Variants in STOX1 observed in about 807,000 individuals in gnomAD.
STOX1 encodes the protein storkhead box 1, also known as storkhead-box protein 1.
Under a neutral mutation model 74.8 loss-of-function variants are expected in STOX1, and 57 were observed. That is an observed-to-expected ratio of 0.76 (90% CI 0.62 to 0.95). STOX1 has a LOEUF of 0.95. STOX1 is among the 40% of genes least tolerant of loss of function. The pLI is 0.00. For missense variants in STOX1, 1,010 were observed against 1,117.0 expected, an observed-to-expected ratio of 0.90 and a Z score of 1.37; for synonymous variants, 375 against 401.3, an observed-to-expected ratio of 0.93 and a Z score of 0.78.
Position 68,892,978 on chromosome 10 carries a change from A to G in STOX1, c.*242A>G. 2.5e-6 allele frequency: 1 copy of G among 396,924 alleles called. No homozygotes were observed. Among genetic ancestry groups the G allele is most frequent in the East Asian group, 4.6e-5 (1 of 21,680 alleles). The allele number at this position is 396,924 out of a possible 1,614,324, so 24.6% of individuals were successfully genotyped here. On this transcript the variant is annotated 3_prime_UTR_variant, in exon 4 of 4. Transcript: ENST00000298596. ...GTATATAGATTATTTTCGATTAAAAAGTGGAATTATTGGTCCCCTTCCAAT... is the reference window on the plus strand; with the variant it reads ...GTATATAGATTATTTTCGATTAAAAGGTGGAATTATTGGTCCCCTTCCAAT...
At chr10:68,867,188 G>A (rs911940267) in intron 1 of STOX1, among the ~76,000 whole-genome samples, 4 of 151,748 alleles carry the variant, frequency 2.6e-5, no homozygotes, top group African/African-American at 9.7e-5. Context: ...CTCGTGATCC[G>A]CCCGCCTCAG....
downstream of STOX1, among the ~76,000 whole-genome samples, chr10:68,893,711 C>T (rs912514350): frequency 7.2e-5 from 11 of 152,216 alleles, no homozygotes; most frequent in Non-Finnish European, 1.5e-5. Context: ...GCCACCGCAC[C>T]TGACCCAGGC....
At chr10:68,891,445 T>G (rs1313345329) in intron 3 of STOX1, among the ~76,000 whole-genome samples, 1 of 152,140 alleles carries the variant, frequency 6.6e-6, no homozygotes, top group African/African-American at 2.4e-5. Context: ...GAAATATGTT[T>G]GAGATATATT....
intron 1 of STOX1, among the ~76,000 whole-genome samples, chr10:68,839,228 A>G (rs1398909585): frequency 6.6e-6 from 1 of 152,092 alleles, no homozygotes; most frequent in African/African-American, 2.4e-5. Flanking sequence ...AGCCAAAACG[A>G]TTATTATTAT....
intron 1 of STOX1, among the ~76,000 whole-genome samples, chr10:68,857,400 A>G (rs908904661): frequency 6.6e-6 from 1 of 152,058 alleles, no homozygotes; most frequent in South Asian, 2.1e-4. Flanking sequence ...CGGGTTCTCT[A>G]TTTAACCTTC....
chr10:68,851,344 T>C (rs1839979673), intron 1 of STOX1, among the ~76,000 whole-genome samples: 1 of 151,380 alleles, frequency 6.6e-6, no homozygotes, highest in African/African-American at 2.4e-5. Context: ...AGGGAGATTC[T>C]AGGAAGTTGA....
intron 1 of STOX1, chr10:68,829,090 C>A (rs532292181): frequency 1.1e-4 from 77 of 674,144 alleles, no homozygotes; most frequent in Non-Finnish European, 1.4e-4. Context: ...ACCAGTTGTT[C>A]CGCGCTTAAT....
intron 3 of STOX1, among the ~76,000 whole-genome samples, chr10:68,889,363 A>T (rs1417702626): frequency 6.6e-6 from 1 of 152,094 alleles, no homozygotes; most frequent in Non-Finnish European, 1.5e-5. Context: ...ATATATTGCT[A>T]TGTTGCCCAG....
At chr10:68,890,860 C>T (rs1841082772) in intron 3 of STOX1, among the ~76,000 whole-genome samples, 1 of 152,064 alleles carries the variant, frequency 6.6e-6, no homozygotes, top group African/African-American at 2.4e-5. Context: ...CCATGTTGGC[C>T]AGGCTGGTCT....
chr10:68,853,920 GGTGATATGCCT>G (rs1355838963), intron 1 of STOX1, among the ~76,000 whole-genome samples: 1 of 151,840 alleles, frequency 6.6e-6, no homozygotes, highest in East Asian at 1.9e-4. Context: ...CCCGACCTCA[GGTGATATGCCT>G]GTCTTGGCCT....
intron 1 of STOX1, among the ~76,000 whole-genome samples, chr10:68,838,530 G>T (rs537418346): frequency 2.0e-5 from 3 of 152,214 alleles, no homozygotes; most frequent in African/African-American, 7.2e-5. Context: ...AAACAGAGAT[G>T]ATTTTACTTC....
chr10:68,856,028 C>T (rs1840118145), intron 1 of STOX1, among the ~76,000 whole-genome samples: 1 of 152,056 alleles, frequency 6.6e-6, no homozygotes, highest in South Asian at 2.1e-4. Flanking sequence ...ATGGTGTACT[C>T]AGCAGTCAGT....
intron 1 of STOX1, among the ~76,000 whole-genome samples, chr10:68,863,779 A>G (rs1311546966): frequency 6.6e-6 from 1 of 152,114 alleles, no homozygotes; most frequent in Non-Finnish European, 1.5e-5. Flanking sequence ...TGAACCACAT[A>G]TGAAGAATCA....
chr10:68,889,868 C>CT (rs34709870), intron 3 of STOX1, among the ~76,000 whole-genome samples: 1 of 150,986 alleles, frequency 6.6e-6, no homozygotes, highest in Non-Finnish European at 1.5e-5. Context: ...GGCCTCAAGC[C>CT]TTTTTTTTTC....
At chr10:68,893,213 C>T (rs1841136517), downstream of STOX1, among the ~76,000 whole-genome samples, 2 of 152,142 alleles carry the variant, frequency 1.3e-5, no homozygotes, top group Admixed American at 6.5e-5. Context: ...ATCTATGCAA[C>T]CCTAGGTCTT....
At chr10:68,873,986 A>G (rs903197071) in intron 1 of STOX1, among the ~76,000 whole-genome samples, 2 of 138,850 alleles carry the variant, frequency 1.4e-5, no homozygotes, top group African/African-American at 5.6e-5. Context: ...TCCTGAGTTT[A>G]AGAAAAATTG....
At chr10:68,854,105 CCT>C (rs1354384015) in intron 1 of STOX1, among the ~76,000 whole-genome samples, 2 of 152,014 alleles carry the variant, frequency 1.3e-5, no homozygotes, top group Admixed American at 1.3e-4. Context: ...AAGTGATTCC[CCT>C]GTCTCATCCT....
At chr10:68,894,858 T>TGGGACTACAGGCGTAAGCC (rs1841165629), downstream of STOX1, among the ~76,000 whole-genome samples, 1 of 152,158 alleles carries the variant, frequency 6.6e-6, no homozygotes, top group Non-Finnish European at 1.5e-5. Flanking sequence ...CCCGAGTAGC[T>TGGGACTACAGGCGTAAGCC]GGGACTACAG....
At chr10:68,868,519 C>T (rs921026556) in intron 1 of STOX1, among the ~76,000 whole-genome samples, 14 of 152,188 alleles carry the variant, frequency 9.2e-5, no homozygotes, top group African/African-American at 3.4e-4. Context: ...GCATCATAGC[C>T]ATCACGAGCA....
Sources: gnomAD v4.1 joint callset for allele counts (sites outside exome capture counted in the v4.1 genomes callset) on GRCh38, gnomAD v4.1.1 for gene constraint, MANE v1.5 for transcripts, NCBI Gene and HGNC (gene_info 2026-07-23, HGNC 2026-07-21) for gene names.